Variants in LRRC37A2 observed in about 807,000 individuals in gnomAD.
The protein encoded by LRRC37A2 is leucine rich repeat containing 37 member A2, also known as leucine-rich repeat-containing protein 37A2.
LRRC37A2 carries 9 observed loss-of-function variants against 68.8 expected under a neutral mutation model. That is an observed-to-expected ratio of 0.13 (90% CI 0.08 to 0.23). The LOEUF (loss-of-function observed/expected upper bound fraction) is 0.23, where lower values mean the gene tolerates loss of function less well. Ranked by LOEUF, LRRC37A2 falls within the 10% of genes least tolerant of loss-of-function variation. The pLI is 1.00. For synonymous variants in LRRC37A2, 63 were observed against 367.6 expected, an observed-to-expected ratio of 0.17 and a Z score of 9.48; for missense variants, 168 against 950.4, an observed-to-expected ratio of 0.18 and a Z score of 10.82.
the LRRC37A2 span, among the ~76,000 whole-genome samples, chr17:46,745,043 T>A: frequency 0.031 from 1 of 32 alleles, no homozygotes; most frequent in Non-Finnish European, 0.25. Flanking sequence ...CACTCTGTGC[T>A]TTTTTTTTTG....
the LRRC37A2 span, among the ~76,000 whole-genome samples, chr17:46,868,467 G>T: frequency 6.6e-6 from 1 of 152,022 alleles, no homozygotes; most frequent in African/African-American, 2.4e-5. Context: ...GTGGTGGCAC[G>T]TGCCCATAAT....
chr17:46,787,678 G>A, the LRRC37A2 span, among the ~76,000 whole-genome samples: 1 of 152,220 alleles, frequency 6.6e-6, no homozygotes, highest in African/African-American at 2.4e-5. Flanking sequence ...CCTCGGCCGG[G>A]CGCGGTGGCT....
At chr17:46,848,270 T>G in the LRRC37A2 span, among the ~76,000 whole-genome samples, 2 of 151,878 alleles carry the variant, frequency 1.3e-5, no homozygotes, top group Non-Finnish European at 2.9e-5. Flanking sequence ...CAGGAAGGAG[T>G]GCTTCCGTCA....
At chr17:46,899,118 A>G in the LRRC37A2 span, among the ~76,000 whole-genome samples, 12 of 152,292 alleles carry the variant, frequency 7.9e-5, no homozygotes, top group South Asian at 2.5e-3. Context: ...GGCTGGGTGC[A>G]GTGGCTCACA....
the LRRC37A2 span, among the ~76,000 whole-genome samples, chr17:46,832,165 G>C: frequency 6.6e-6 from 1 of 152,196 alleles, no homozygotes; most frequent in African/African-American, 2.4e-5. Flanking sequence ...GCCTGCAGAG[G>C]GGGTGCTGGT....
At chr17:46,997,580 A>G in the LRRC37A2 span, among the ~76,000 whole-genome samples, 1 of 152,238 alleles carries the variant, frequency 6.6e-6, no homozygotes, top group South Asian at 2.1e-4. Flanking sequence ...GAAATATAGA[A>G]GACAGAGAAA....
the LRRC37A2 span, among the ~76,000 whole-genome samples, chr17:47,001,990 C>T: frequency 3.3e-5 from 5 of 152,124 alleles, no homozygotes; most frequent in East Asian, 1.9e-4. Flanking sequence ...CCGCCCACCT[C>T]GGCCCCCCAA....
At chr17:46,534,249 G>A (rs1228646221) in intron 6 of LRRC37A2, among the ~76,000 whole-genome samples, 2 of 145,498 alleles carry the variant, frequency 1.4e-5, no homozygotes, top group Non-Finnish European at 3.0e-5. Flanking sequence ...TCGCAGAGGG[G>A]GATTTGGCAG....
At chr17:46,803,547 T>C in the LRRC37A2 span, among the ~76,000 whole-genome samples, 1 of 151,908 alleles carries the variant, frequency 6.6e-6, no homozygotes, top group Non-Finnish European at 1.5e-5. Context: ...AAAAAAAAAG[T>C]TAAACAATCA....
the LRRC37A2 span, among the ~76,000 whole-genome samples, chr17:46,727,792 T>C: frequency 1.3e-5 from 2 of 152,304 alleles, no homozygotes; most frequent in South Asian, 2.1e-4. Flanking sequence ...ATGTCAGGAA[T>C]GTGTGCCCTC....
the LRRC37A2 span, among the ~76,000 whole-genome samples, chr17:46,839,917 T>TTTC: frequency 2.6e-5 from 1 of 38,410 alleles, no homozygotes; most frequent in Non-Finnish European, 5.2e-5. Flanking sequence ...TTCTCTTTTC[T>TTTC]TTCTTTCTTT....
At chr17:46,904,654 C>T in the LRRC37A2 span, among the ~76,000 whole-genome samples, 2 of 152,106 alleles carry the variant, frequency 1.3e-5, no homozygotes, top group Admixed American at 1.3e-4. Context: ...CACCATCTCT[C>T]ATGGCAACCT....
At chr17:46,975,123 G>A in the LRRC37A2 span, 1 of 150,838 alleles carries the variant, frequency 6.6e-6, no homozygotes, top group African/African-American at 2.4e-5. Flanking sequence ...TCTATTAAAT[G>A]CCAGGCATTG....
chr17:46,611,769 CAT>C, the LRRC37A2 span, among the ~76,000 whole-genome samples: 1 of 147,712 alleles, frequency 6.8e-6, no homozygotes, highest in Non-Finnish European at 1.5e-5. Flanking sequence ...TCGAAGGAAA[CAT>C]AGGTGAAAAT....
At chr17:46,718,450 G>A in the LRRC37A2 span, among the ~76,000 whole-genome samples, 23 of 152,032 alleles carry the variant, frequency 1.5e-4, no homozygotes, top group African/African-American at 2.9e-4. Context: ...TTATTTGATC[G>A]TTACATGTTT....
chr17:47,037,432 A>G, the LRRC37A2 span, among the ~76,000 whole-genome samples: 1 of 152,188 alleles, frequency 6.6e-6, no homozygotes, highest in East Asian at 1.9e-4. Context: ...TCACTCAAAA[A>G]AACAACAATT....
chr17:46,775,609 CT>C, the LRRC37A2 span, among the ~76,000 whole-genome samples: 212 of 111,602 alleles, frequency 1.9e-3, no homozygotes, highest in Middle Eastern at 5.0e-3. Context: ...GCCAGAAGTT[CT>C]TTTTTTTTTT....
At chr17:46,710,261 C>T in the LRRC37A2 span, among the ~76,000 whole-genome samples, 3 of 152,148 alleles carry the variant, frequency 2.0e-5, no homozygotes, top group Admixed American at 6.5e-5. Flanking sequence ...AAGTTATTGA[C>T]TACTTTTGGC....
At chr17:46,859,414 C>T in the LRRC37A2 span, among the ~76,000 whole-genome samples, 1 of 152,192 alleles carries the variant, frequency 6.6e-6, no homozygotes, top group Non-Finnish European at 1.5e-5. Flanking sequence ...ATGATGTTTT[C>T]TCCACTGTCA....
Sources: allele counts gnomAD v4.1 joint callset (sites outside exome capture counted in the v4.1 genomes callset), GRCh38; gene constraint gnomAD v4.1.1; transcripts MANE v1.5; gene names NCBI Gene and HGNC (gene_info 2026-07-23, HGNC 2026-07-21).